Variants in ABL1 observed in about 807,000 individuals in gnomAD.
ABL1 encodes tyrosine-protein kinase ABL1.
ABL1 carries 11 observed loss-of-function variants against 94.7 expected under a neutral mutation model. The observed-to-expected ratio is 0.12, with a 90% CI of 0.07 to 0.19. The LOEUF (loss-of-function observed/expected upper bound fraction) is 0.19. Among genes scored for constraint, ABL1 ranks in the 10% least tolerant of loss-of-function variants. The probability of loss-of-function intolerance (pLI) is 1.00; values close to 1 mark genes in which losing one functional copy is unlikely to be tolerated. For missense variants in ABL1, 1,082 were observed against 1,489.4 expected (o/e 0.73, Z 4.50); for synonymous variants, 656 against 622.4 (o/e 1.05, Z -0.80).
rs1409890171 is a variant in ABL1 at position 130,862,240 on chromosome 9, C to T, written c.550-523C>T. Among the ~76,000 whole-genome samples, 2 of 152,168 alleles carry T rather than the reference C, an allele frequency of 1.3e-5. No homozygotes were observed. Among genetic ancestry groups the T allele is most frequent in the Non-Finnish European group, 2.9e-5 (2 of 68,026 alleles). Reference sequence around the variant, plus strand: ...TGAGTACTTATTACATGTTGATTTCCTGTTCTCAACATTGGAATGAAGACA... The same window carrying T: ...TGAGTACTTATTACATGTTGATTTCTTGTTCTCAACATTGGAATGAAGACA... On this transcript the variant is annotated intron_variant, in intron 3 of 10. Transcript: ENST00000318560. The surrounding 1 kb of genome is among the most constrained non-coding windows in gnomAD (Gnocchi z 5.5).
chr9:130,791,784 G>A (rs771044152), intron 1 of ABL1, among the ~76,000 whole-genome samples: 3 of 152,052 alleles, frequency 2.0e-5, no homozygotes, highest in African/African-American at 4.8e-5. Context: ...TTTCAGACTC[G>A]GACTGAGCCA....
rs1329277572 is a variant in ABL1, at chr9:130,784,590, G to A, written c.137-69474G>A. On this transcript the variant is annotated intron_variant, in intron 1 of 10. Transcript: ENST00000372348. ...TTGTGAGATTTTTGTGGAGGTGAGG[G>A]AGGCCCTGGCCTATGCTTGCTGCCT... Among the ~76,000 whole-genome samples, 12 of 152,296 alleles carry A rather than the reference G, an allele frequency of 7.9e-5. No homozygotes were observed. The South Asian group carries it at 1.5e-3, about 18-fold the overall frequency.
chr9:130,837,480 T>G (rs891536600), intron 1 of ABL1, among the ~76,000 whole-genome samples: 5 of 152,004 alleles, frequency 3.3e-5, no homozygotes, highest in Non-Finnish European at 5.9e-5. Flanking sequence ...TAATTATTGT[T>G]TTGGGAAAAA....
At chr9:130,789,555 CAA>C (rs1338952220) in intron 1 of ABL1, among the ~76,000 whole-genome samples, 1 of 151,792 alleles carries the variant, frequency 6.6e-6, no homozygotes, top group East Asian at 1.9e-4. Flanking sequence ...CACCCTGAAA[CAA>C]GATATCATGC....
intron 1 of ABL1, among the ~76,000 whole-genome samples, chr9:130,731,532 G>C (rs910795655): frequency 6.6e-6 from 1 of 152,016 alleles, no homozygotes; most frequent in Non-Finnish European, 1.5e-5. Flanking sequence ...TATTGACCTA[G>C]CTGTTTAATT....
chr9:130,880,118 G>A lies in ABL1; in HGVS notation c.1474G>A (p.Ala492Thr), dbSNP rs1444767486. The A allele has an allele frequency of 1.2e-6, 2 of 1,614,048 alleles. No individual in the cohort carries two copies. The highest frequency in any genetic ancestry group is 2.7e-5 in the African/African-American group (2 of 74,914). Residue 492 changes from alanine to threonine, a missense_variant, in exon 9 of 11, where the codon GCC becomes ACC. Ala to Thr is a moderately conservative substitution (Grantham distance 58, BLOSUM62 0). Around this residue, in one of 7 missense-constraint regions of ABL1, gnomAD observed 76 missense variants for 177.1 expected, o/e 0.43. Coordinates refer to ENST00000318560, the MANE Select transcript of ABL1 (RefSeq NM_005157.6). The surrounding 1 kb of genome is among the most constrained non-coding windows in gnomAD (Gnocchi z 4.4). ...DRPSFAEIHQ[A>T]FETMFQESSI... ...GCCCTCCTTTGCTGAAATCCACCAAGCCTTTGAAACAATGTTCCAGGAATC... is the reference window on the plus strand; with the variant it reads ...GCCCTCCTTTGCTGAAATCCACCAAACCTTTGAAACAATGTTCCAGGAATC...
intron 1 of ABL1, among the ~76,000 whole-genome samples, chr9:130,744,271 T>A (rs1168920237): frequency 6.6e-6 from 1 of 151,696 alleles, no homozygotes; most frequent in Non-Finnish European, 1.5e-5. Context: ...GCCTCCCGAG[T>A]AACTGGGACT....
chr9:130,801,607 T>C (rs2132830856), intron 1 of ABL1, among the ~76,000 whole-genome samples: 1 of 152,358 alleles, frequency 6.6e-6, no homozygotes, highest in East Asian at 1.9e-4. Flanking sequence ...TTTCTCTGGG[T>C]ATAGAATTAT....
In ABL1 at chr9:130,884,213, C is replaced by T. The variant is rs1831521497; in HGVS notation, c.1923C>T (p.Ile641=). The change falls in exon 11 of 11, where the codon ATC becomes ATT. Residue 641 remains isoleucine (I), a synonymous_variant. Transcript: ENST00000318560. This position sits in a 1 kb window ranked among gnomAD's most constrained non-coding sequence, Gnocchi z 5.6. ...RGAGEEEGRD[I]SNGALAFTPL... is the part of the protein sequence containing the mutation. ...CCGGCGAGGAAGAGGGCCGAGACAT[C>T]AGCAACGGGGCACTGGCTTTCACCC... 6.2e-7 allele frequency: 1 copy of T among 1,609,196 alleles called. No homozygotes were observed. Among genetic ancestry groups the T allele is most frequent in the African/African-American group, 1.3e-5 (1 of 74,630 alleles).
chr9:130,750,178 A>G (rs1831937213), intron 1 of ABL1, among the ~76,000 whole-genome samples: 1 of 134,986 alleles, frequency 7.4e-6, no homozygotes, highest in Admixed American at 7.9e-5. Flanking sequence ...CCCTGACTCA[A>G]GAAAAAAAAA....
At chr9:130,825,458 A>G (rs1466481092) in intron 1 of ABL1, among the ~76,000 whole-genome samples, 2 of 152,206 alleles carry the variant, frequency 1.3e-5, no homozygotes, top group Admixed American at 1.3e-4. Flanking sequence ...GGAGCTTGTC[A>G]ATAACCAGGG....
Position 130,876,858 on chromosome 9 carries a change from T to G in ABL1, c.1271-1557T>G, listed in dbSNP as rs1406089761. 9.2e-5 allele frequency among the ~76,000 whole-genome samples: 13 copies of G among 140,702 alleles called. 1 individual carries two copies. Among genetic ancestry groups the G allele is most frequent in the Non-Finnish European group, 1.4e-4 (9 of 65,664 alleles). The allele number at this position is 140,702 out of a possible 152,430, so 92.3% of individuals were successfully genotyped here. On this transcript the variant is annotated intron_variant, in intron 7 of 10. Coordinates refer to ENST00000318560, the MANE Select transcript of ABL1 (RefSeq NM_005157.6). ...TTCACGTCATTCTCCTGCCTCAGCC[T>G]CCCGAGTAGCTGAGACTATAGGCGC...
intron 4 of ABL1, among the ~76,000 whole-genome samples, chr9:130,865,746 C>CA (rs36055589): frequency 0.27 from 16,675 of 60,982 alleles, 2,028 homozygotes; most frequent in African/African-American, 0.42. Context: ...ACCCTGTCTC[C>CA]AAAAAAAAAA....
chr9:130,801,531 T>G (rs1446322619), intron 1 of ABL1, among the ~76,000 whole-genome samples: 1 of 152,216 alleles, frequency 6.6e-6, no homozygotes, highest in Non-Finnish European at 1.5e-5. Context: ...CAGCTGACAA[T>G]GGATTTTCTT....
chr9:130,850,399 TCTCC>T (rs1830837530), intron 1 of ABL1, among the ~76,000 whole-genome samples: 1 of 152,146 alleles, frequency 6.6e-6, no homozygotes, highest in African/African-American at 2.4e-5. Flanking sequence ...GGCTCTAAGT[TCTCC>T]CTCCATCTGT....
chr9:130,807,013 A>G (rs1158628088), intron 1 of ABL1, among the ~76,000 whole-genome samples: 7 of 151,846 alleles, frequency 4.6e-5, no homozygotes, highest in Non-Finnish European at 8.8e-5. Flanking sequence ...AGCTGGGCGT[A>G]GTGGCGGGCG....
chr9:130,788,887 C>T (rs535004299), intron 1 of ABL1, among the ~76,000 whole-genome samples: 4 of 152,288 alleles, frequency 2.6e-5, no homozygotes, highest in East Asian at 1.9e-4. Context: ...TTCTGCCTGT[C>T]GTTAATGATA....
At position 130,762,285 on chromosome 9, in the gene ABL1, T is replaced by C. The variant is rs552581734; in HGVS notation, c.136+47830T>C. On this transcript the variant is annotated intron_variant, in intron 1 of 10. Coordinates refer to the ABL1 transcript ENST00000372348. Reference sequence around the variant, plus strand: ...CCACTCTTGTCTGAAGGAGGGTTCATAGTAGATAGGCTGTTTTTGTTCATT... The same window carrying C: ...CCACTCTTGTCTGAAGGAGGGTTCACAGTAGATAGGCTGTTTTTGTTCATT... Among the ~76,000 whole-genome samples, 4 of 152,340 alleles carry C rather than the reference T, an allele frequency of 2.6e-5. No homozygotes were observed. The South Asian group carries it at 6.2e-4, about 24-fold the overall frequency.
chr9:130,734,078 CAT>C (rs1831703037), intron 1 of ABL1, among the ~76,000 whole-genome samples: 1 of 152,112 alleles, frequency 6.6e-6, no homozygotes, highest in South Asian at 2.1e-4. Flanking sequence ...CAATTGGAAA[CAT>C]TACTTTTTGA....
Sources: allele counts gnomAD v4.1 joint callset (sites outside exome capture counted in the v4.1 genomes callset), GRCh38; gene constraint gnomAD v4.1.1; regional missense constraint gnomAD v4.1.1; non-coding constraint Gnocchi (gnomAD v3.1); transcripts MANE v1.5; gene names NCBI Gene and HGNC (gene_info 2026-07-23, HGNC 2026-07-21).